Variants in ALDH1B1 observed in about 807,000 individuals in gnomAD.
ALDH1B1 encodes aldehyde dehydrogenase 1 family member B1.
A neutral mutation model predicts 26.2 loss-of-function variants in ALDH1B1; 19 were observed. That is an observed-to-expected ratio of 0.72 (90% CI 0.51 to 1.06). The LOEUF (loss-of-function observed/expected upper bound fraction) is 1.06, where lower values mean the gene tolerates loss of function less well. ALDH1B1 is among the 50% of genes least tolerant of loss of function. The pLI is 0.00. For synonymous variants in ALDH1B1, 249 were observed against 286.0 expected, an observed-to-expected ratio of 0.87 and a Z score of 1.31; for missense variants, 671 against 683.1, an observed-to-expected ratio of 0.98 and a Z score of 0.20.
chr9:38,395,784 C>G lies in ALDH1B1; in HGVS notation c.36C>G (p.Leu12=), dbSNP rs562004331. 6.2e-7 allele frequency: 1 copy of G among 1,609,390 alleles called. No individual in the cohort carries two copies. The highest frequency in any genetic ancestry group is 1.1e-5 in the South Asian group (1 of 90,702). The stretch of plus-strand genomic sequence containing the variant: ...TCCTGGCACCCCGGCTGCTTAGCCT[C>G]CAGGGCAGGACCGCCCGCTACTCCT... ...LRFLAPRLLS[L]QGRTARYSSA... Residue 12 remains leucine (L), a synonymous_variant, in exon 2 of 2, where the codon CTC becomes CTG. Transcript: ENST00000377698.
In ALDH1B1 at chr9:38,396,008, TC is replaced by T. The variant is rs1384005896; in HGVS notation, c.262del (p.Arg88AlafsTer18). ...DRAVKAAREAFRLGSPWRRMD... is the reference protein window; with the variant it reads ...DRAVKAAREAXRLGSPWRRMD... ...GCCGTGAAAGCAGCCCGGGAAGCCTTCCGCCTGGGGTCCCCATGGCGCCGGA... is the reference window on the plus strand; with the variant it reads ...GCCGTGAAAGCAGCCCGGGAAGCCTTCGCCTGGGGTCCCCATGGCGCCGGA... On this transcript the variant is annotated frameshift_variant, in exon 2 of 2. Coordinates refer to ENST00000377698, the MANE Select transcript of ALDH1B1 (RefSeq NM_000692.5). LOFTEE classifies it low-confidence loss of function (END_TRUNC). The T allele has an allele frequency of 6.2e-7, 1 of 1,613,722 alleles. No individual in the cohort carries two copies. The highest frequency in any genetic ancestry group is 1.7e-5 in the Admixed American group (1 of 60,020).
At position 38,397,055 on chromosome 9, in the gene ALDH1B1, G is replaced by A. The variant is rs763809789; in HGVS notation, c.1307G>A (p.Arg436Lys). ...AAGAAGATTGAGGAGGTGGTTGAGA[G>A]GGCCAACAACACCAGGTATGGCCTG... ...KFKKIEEVVE[R>K]ANNTRYGLAA... Residue 436 changes from arginine (R) to lysine (K), a missense_variant, in exon 2 of 2, where the codon AGG becomes AAG. Arg to Lys is a conservative substitution (Grantham distance 26). Coordinates refer to ENST00000377698, the MANE Select transcript of ALDH1B1 (RefSeq NM_000692.5). 1 of 1,614,066 alleles carries A rather than the reference G, an allele frequency of 6.2e-7. No individual in the cohort carries two copies. Among genetic ancestry groups the A allele is most frequent in the Non-Finnish European group, 8.5e-7 (1 of 1,180,032 alleles).
At chr9:38,392,885 G>GC (rs1821216953) in intron 1 of ALDH1B1, 78 bp downstream of exon 1, 1 of 986,094 alleles carries the variant, frequency 1.0e-6, no homozygotes, top group African/African-American at 1.7e-5. Context: ...TCCTCTCTGG[G>GC]CCGCGGCGTC....
chr9:38,394,593 T>C, intron 1 of ALDH1B1: 1 of 985,426 alleles, frequency 1.0e-6, no homozygotes, highest in South Asian at 4.7e-5. Context: ...TCACATTGAT[T>C]TTTATGGGGC....
rs184420368 is a variant in ALDH1B1, at chr9:38,398,241, A to G, written c.*939A>G. 3.0e-5 allele frequency: 5 copies of G among 167,062 alleles called. No individual in the cohort carries two copies. Among genetic ancestry groups the G allele is most frequent in the African/African-American group, 9.6e-5 (4 of 41,500 alleles). The allele number at this position is 167,062 out of a possible 1,614,324, so 10.3% of individuals were successfully genotyped here. On this transcript the variant is annotated 3_prime_UTR_variant, in exon 2 of 2. Coordinates refer to ENST00000377698, the MANE Select transcript of ALDH1B1 (RefSeq NM_000692.5). Reference sequence around the variant, plus strand: ...GGAGTTGAACAATAGTAATGGTTGCATGATTTGGTAAAAATACTAAAAACT... The same window carrying G: ...GGAGTTGAACAATAGTAATGGTTGCGTGATTTGGTAAAAATACTAAAAACT...
Position 38,397,390 on chromosome 9 carries a change from C to T in ALDH1B1, c.*88C>T, listed in dbSNP as rs747070098. 362 of 1,445,966 alleles carry T rather than the reference C, an allele frequency of 2.5e-4. No individual in the cohort carries two copies. Among genetic ancestry groups the T allele is most frequent in the Non-Finnish European group, 3.1e-4 (341 of 1,089,096 alleles). 89.6% of individuals were successfully genotyped at this position (1,445,966 alleles called of 1,614,324 possible). A position where few individuals can be genotyped will look rare whatever the true frequency, so the allele number is the denominator to read the frequency against. ...TGCCAAGCTGTTTTAAAGCCAAGAA[C>T]ACCCTTTCTTTGTTCCAAATTAACT... On this transcript the variant is annotated 3_prime_UTR_variant, in exon 2 of 2. Coordinates refer to ENST00000377698, the MANE Select transcript of ALDH1B1 (RefSeq NM_000692.5).
In ALDH1B1 at chr9:38,395,954, C is replaced by G. The variant is rs997991674; in HGVS notation, c.206C>G (p.Ala69Gly). 1.2e-6 allele frequency: 2 copies of G among 1,613,676 alleles called. No individual in the cohort carries two copies. The highest frequency in any genetic ancestry group is 1.3e-5 in the African/African-American group (1 of 74,940). ...ACCGGGGAGGTCATTGGGCACGTGG[C>G]TGAAGGTGACCGGGCTGATGTGGAT... ...PTTGEVIGHVAEGDRADVDRA... is the reference protein window; with the variant it reads ...PTTGEVIGHVGEGDRADVDRA... Residue 69 changes from alanine to glycine, a missense_variant, in exon 2 of 2, where the codon GCT becomes GGT. Ala to Gly is a moderately conservative substitution (Grantham distance 60). Transcript: ENST00000377698.
chr9:38,392,961 C>A (rs1336348529), intron 1 of ALDH1B1, among the ~76,000 whole-genome samples, 154 bp downstream of exon 1: 1 of 152,206 alleles, frequency 6.6e-6, no homozygotes, highest in African/African-American at 2.4e-5. Context: ...CTAATCCCAT[C>A]CCCCGCCTCT....
Position 38,395,972 on chromosome 9 carries a change from A to C in ALDH1B1, c.224A>C (p.Asp75Ala). 1 of 1,613,724 alleles carries C rather than the reference A, an allele frequency of 6.2e-7. No individual in the cohort carries two copies. The highest frequency in any genetic ancestry group is 8.5e-7 in the Non-Finnish European group (1 of 1,180,000). ...CACGTGGCTGAAGGTGACCGGGCTG[A>C]TGTGGATCGGGCCGTGAAAGCAGCC... ...IGHVAEGDRA[D>A]VDRAVKAARE... Residue 75 changes from aspartate to alanine, a missense_variant, in exon 2 of 2, where the codon GAT (aspartate) becomes GCT (alanine). By Grantham distance (126) the Asp-to-Ala change is moderately radical. Transcript: ENST00000377698.
In ALDH1B1 at chr9:38,396,999, C is replaced by G. The variant is rs1483584165; in HGVS notation, c.1251C>G (p.Ile417Met). 7 of 1,614,182 alleles carry G rather than the reference C, an allele frequency of 4.3e-6. No individual in the cohort carries two copies. The highest frequency in any genetic ancestry group is 1.3e-5 in the African/African-American group (1 of 75,034). The change falls in exon 2 of 2, where the codon ATC (isoleucine) becomes ATG (methionine). Residue 417 changes from isoleucine (I) to methionine (M), a missense_variant. By Grantham distance (10) the Ile-to-Met change is conservative. Coordinates refer to ENST00000377698, the MANE Select transcript of ALDH1B1 (RefSeq NM_000692.5). ...QDDMRIAKEE[I>M]FGPVQPLFKF... The stretch of plus-strand genomic sequence containing the variant: ...ACATGAGAATTGCCAAAGAGGAGAT[C>G]TTTGGGCCTGTGCAGCCCCTGTTCA...
chr9:38,394,298 A>AT (rs1331131290), intron 1 of ALDH1B1, among the ~76,000 whole-genome samples: 1 of 151,780 alleles, frequency 6.6e-6, no homozygotes, highest in Non-Finnish European at 1.5e-5. Context: ...GATTATTATT[A>AT]TTTTTTTTAG....
Position 38,395,805 on chromosome 9 carries a change from C to A in ALDH1B1, c.57C>A (p.Tyr19Ter), listed in dbSNP as rs770604544. 1.2e-6 allele frequency: 2 copies of A among 1,612,680 alleles called. No individual in the cohort carries two copies. Among genetic ancestry groups the A allele is most frequent in the Admixed American group, 3.3e-5 (2 of 60,006 alleles). The change falls in exon 2 of 2, where the codon TAC becomes TAA. Residue 19 changes from tyrosine to a stop codon, truncating the protein, a stop_gained. Transcript: ENST00000377698. LOFTEE classifies it high-confidence loss of function. ...LLSLQGRTARYSSAAALPSPI... is the reference protein window; with the variant it reads ...LLSLQGRTAR ...GCCTCCAGGGCAGGACCGCCCGCTA[C>A]TCCTCGGCAGCAGCCCTCCCAAGCC...
chr9:38,396,771 G>T lies in ALDH1B1; in HGVS notation c.1023G>T (p.Glu341Asp). 6.2e-7 allele frequency: 1 copy of T among 1,614,238 alleles called. No individual in the cohort carries two copies. Among genetic ancestry groups the T allele is most frequent in the Non-Finnish European group, 8.5e-7 (1 of 1,180,048 alleles). Residue 341 changes from glutamate (E) to aspartate (D), a missense_variant, in exon 2 of 2, where the codon GAG (glutamate) becomes GAT (aspartate). Transcript: ENST00000377698. ...ATGAGTTTCTCGAGAGAACCGTGGA[G>T]AAAGCAAAGCAGAGGAAAGTGGGGA... ...IYNEFLERTV[E>D]KAKQRKVGNP...
At position 38,397,112 on chromosome 9, in the gene ALDH1B1, A is replaced by G. The variant is rs144538492; in HGVS notation, c.1364A>G (p.Lys455Arg). The G allele has an allele frequency of 3.7e-5, 60 of 1,614,060 alleles. No homozygotes were observed. Among genetic ancestry groups the G allele is most frequent in the Non-Finnish European group, 4.3e-5 (51 of 1,180,046 alleles). Reference protein sequence around the residue: ...AAAVFTRDLDKAMYFTQALQA... With the variant: ...AAAVFTRDLDRAMYFTQALQA... ...GCTGTGTTCACCCGGGATCTGGACA[A>G]GGCCATGTACTTCACCCAGGCACTC... The change falls in exon 2 of 2, where the codon AAG (lysine) becomes AGG (arginine). Residue 455 changes from lysine to arginine, a missense_variant. By Grantham distance (26) the Lys-to-Arg change is conservative. Coordinates refer to ENST00000377698, the MANE Select transcript of ALDH1B1 (RefSeq NM_000692.5).
Position 38,394,697 on chromosome 9 carries a change from A to G in ALDH1B1, c.-9-1043A>G. On this transcript the variant is annotated intron_variant, in intron 1 of 1. Transcript: ENST00000377698. ...GGTGAGAGGCTGGGGGTGAAGGGAC[A>G]GGCAGGTGCAATTCCATTTTACCGC... 8.3e-6 allele frequency: 8 copies of G among 967,684 alleles called. 1 individual carries two copies. Among genetic ancestry groups the G allele is most frequent in the Non-Finnish European group, 9.8e-6 (8 of 813,812 alleles). 59.9% of individuals were successfully genotyped at this position (967,684 alleles called of 1,614,324 possible). A position where few individuals can be genotyped will look rare whatever the true frequency, so the allele number is the denominator to read the frequency against.
Position 38,397,583 on chromosome 9 carries a change from A to T in ALDH1B1, c.*281A>T. 2.6e-6 allele frequency: 1 copy of T among 385,388 alleles called. No homozygotes were observed. The allele number at this position is 385,388 out of a possible 1,614,324, so 23.9% of individuals were successfully genotyped here. A position where few individuals can be genotyped will look rare whatever the true frequency, so the allele number is the denominator to read the frequency against. ...TAGGAGTCTCTGGAGGACAGATTAA[A>T]AACCAGTGATCTGTAATTTGTAGCT... On this transcript the variant is annotated 3_prime_UTR_variant, in exon 2 of 2. Transcript: ENST00000377698.
rs772866237 is a variant in ALDH1B1, at chr9:38,397,013, A to C, written c.1265A>C (p.Gln422Pro). The C allele has an allele frequency of 6.2e-7, 1 of 1,614,206 alleles. No homozygotes were observed. Among genetic ancestry groups the C allele is most frequent in the East Asian group, 2.2e-5 (1 of 44,876 alleles). ...IAKEEIFGPV[Q>P]PLFKFKKIEE... ...AAAGAGGAGATCTTTGGGCCTGTGC[A>C]GCCCCTGTTCAAGTTCAAGAAGATT... The change falls in exon 2 of 2, where the codon CAG becomes CCG. Residue 422 changes from glutamine to proline, a missense_variant. By Grantham distance (76) the Gln-to-Pro change is moderately conservative. Transcript: ENST00000377698.
rs2118257520 is a variant in ALDH1B1 at position 38,396,288 on chromosome 9, C to T, written c.540C>T (p.Gly180=). Residue 180 remains glycine, a synonymous_variant, in exon 2 of 2, where the codon GGC becomes GGT. Transcript: ENST00000377698. ...FTRHEPVGVC[G]QIIPWNFPLV... ...GGCATGAGCCCGTTGGTGTCTGTGG[C>T]CAGATCATCCCGTGGAACTTCCCCT... The T allele has an allele frequency of 6.2e-7, 1 of 1,614,158 alleles. No homozygotes were observed. The highest frequency in any genetic ancestry group is 8.5e-7 in the Non-Finnish European group (1 of 1,180,030).
chr9:38,396,974 A>T lies in ALDH1B1; in HGVS notation c.1226A>T (p.Asp409Val). The T allele has an allele frequency of 1.2e-6, 2 of 1,614,186 alleles. No homozygotes were observed. Among genetic ancestry groups the T allele is most frequent in the Non-Finnish European group, 1.7e-6 (2 of 1,180,022 alleles). ...ACTGTCTTTGGTGGCGTGCAGGATG[A>T]CATGAGAATTGCCAAAGAGGAGATC... The part of the protein sequence containing the change: ...KPTVFGGVQD[D>V]MRIAKEEIFG... Residue 409 changes from aspartate (D) to valine (V), a missense_variant, in exon 2 of 2, where the codon GAC (aspartate) becomes GTC (valine). By Grantham distance (152) the Asp-to-Val change is radical. Coordinates refer to ENST00000377698, the MANE Select transcript of ALDH1B1 (RefSeq NM_000692.5).
Sources: gnomAD v4.1 joint callset for allele counts (sites outside exome capture counted in the v4.1 genomes callset) on GRCh38, gnomAD v4.1.1 for gene constraint, MANE v1.5 for transcripts, NCBI Gene and HGNC (gene_info 2026-07-23, HGNC 2026-07-21) for gene names.